The following FAM20A variants were observed in gnomAD, a reference collection of about 807,000 sequenced individuals.
FAM20A encodes FAM20A golgi associated secretory pathway pseudokinase, also known as pseudokinase FAM20A.
A neutral mutation model predicts 52.0 loss-of-function variants in FAM20A; 42 were observed. The ratio of observed to expected loss-of-function variants is 0.81; its 90% CI spans 0.63 to 1.04. FAM20A has a LOEUF of 1.04. FAM20A is among the 50% of genes least tolerant of loss of function. FAM20A has a pLI of 0.00. For missense variants in FAM20A, 742 were observed against 712.7 expected, an observed-to-expected ratio of 1.04 and a Z score of -0.47; for synonymous variants, 304 against 298.9, an observed-to-expected ratio of 1.02 and a Z score of -0.18.
rs1052571732 is a variant in FAM20A, at chr17:68,537,100, T to C, written c.*377A>G. Reference sequence around the variant, plus strand: ...AGTTATCTTTGACTTGTAGCTAGAATAAGGATCCTGAGAAGTCAGGTATCC... The same window carrying C: ...AGTTATCTTTGACTTGTAGCTAGAACAAGGATCCTGAGAAGTCAGGTATCC... On this transcript the variant is annotated 3_prime_UTR_variant, in exon 11 of 11. Coordinates refer to ENST00000592554, the MANE Select transcript of FAM20A (RefSeq NM_017565.4). This position sits in a 1 kb window ranked among gnomAD's most constrained non-coding sequence, Gnocchi z 4.2. 2.1e-6 allele frequency: 1 copy of C among 467,510 alleles called. No individual in the cohort carries two copies. The highest frequency in any genetic ancestry group is 2.0e-5 in the African/African-American group (1 of 50,662). The allele number at this position is 467,510 out of a possible 1,614,324, so 29.0% of individuals were successfully genotyped here. A position where few individuals can be genotyped will look rare whatever the true frequency, so the allele number is the denominator to read the frequency against.
At chr17:68,544,627 A>C (rs770877635) in intron 4 of FAM20A, among the ~76,000 whole-genome samples, 1 of 152,232 alleles carries the variant, frequency 6.6e-6, no homozygotes, top group African/African-American at 2.4e-5. Flanking sequence ...CATTTTGCCA[A>C]AAAACACGAG....
intron 4 of FAM20A, among the ~76,000 whole-genome samples, chr17:68,546,874 C>T (rs2086597962): frequency 6.7e-6 from 1 of 149,894 alleles, no homozygotes; most frequent in Admixed American, 6.6e-5. Flanking sequence ...GTTAGAATGA[C>T]TCCTTGATCT....
chr17:68,538,647 C>T (rs2086166086), intron 10 of FAM20A, among the ~76,000 whole-genome samples: 1 of 152,120 alleles, frequency 6.6e-6, no homozygotes, highest in African/African-American at 2.4e-5. Flanking sequence ...CAGGGTTTTG[C>T]TTAGATGGTG....
At chr17:68,542,623 T>G in intron 6 of FAM20A, 71 bp downstream of exon 6, 3 of 1,182,912 alleles carry the variant, frequency 2.5e-6, no homozygotes, top group Non-Finnish European at 3.8e-6. Flanking sequence ...AGGCCACTGA[T>G]GAATGGAGGG....
At position 68,536,762 on chromosome 17, in the gene FAM20A, A is replaced by G. The variant is rs1178903722; in HGVS notation, c.*715T>C. On this transcript the variant is annotated 3_prime_UTR_variant, in exon 11 of 11. Transcript: ENST00000592554. ...TTTTTTTCCTTCGTTGTAATTATTT[A>G]TTCTGTTACTGGCTGCTTAGTGTGA... 1 of 453,602 alleles carries G rather than the reference A, an allele frequency of 2.2e-6. No individual in the cohort carries two copies. The highest frequency in any genetic ancestry group is 1.6e-5 in the South Asian group (1 of 64,460). The allele number at this position is 453,602 out of a possible 1,614,324, so 28.1% of individuals were successfully genotyped here.
At chr17:68,583,413 G>A (rs1351882446) in intron 1 of FAM20A, among the ~76,000 whole-genome samples, 1 of 151,876 alleles carries the variant, frequency 6.6e-6, no homozygotes, top group African/African-American at 2.4e-5. Context: ...GGTGGCTATT[G>A]GTGTTCCTCA....
At chr17:68,562,050 C>A (rs1215229613) in intron 1 of FAM20A, among the ~76,000 whole-genome samples, 1 of 152,184 alleles carries the variant, frequency 6.6e-6, no homozygotes, top group Non-Finnish European at 1.5e-5. Flanking sequence ...TCTTGAACTC[C>A]TCATCTCAGG....
chr17:68,599,045 G>C (rs1363220765), intron 1 of FAM20A, among the ~76,000 whole-genome samples: 1 of 152,158 alleles, frequency 6.6e-6, no homozygotes, highest in East Asian at 1.9e-4. Flanking sequence ...GAGCCGTAGA[G>C]TTACTACTGA....
chr17:68,569,330 C>T (rs2087474708), intron 1 of FAM20A, among the ~76,000 whole-genome samples: 1 of 152,192 alleles, frequency 6.6e-6, no homozygotes, highest in South Asian at 2.1e-4. Context: ...CACCATCACC[C>T]TAGCCTGTCA....
rs1398408808 is a variant in FAM20A, at chr17:68,536,449, G to A, written c.*1028C>T. 8.8e-6 allele frequency: 4 copies of A among 454,122 alleles called. No homozygotes were observed. The highest frequency in any genetic ancestry group is 1.8e-5 in the Non-Finnish European group (4 of 226,784). 28.1% of individuals were successfully genotyped at this position (454,122 alleles called of 1,614,324 possible). ...TCAACAAGTCAGGGAGAAGGTAGAG[G>A]AGACAAGGAATCCCTACTACACTTT... On this transcript the variant is annotated 3_prime_UTR_variant, in exon 11 of 11. Transcript: ENST00000592554.
chr17:68,550,409 C>T (rs921934568), intron 4 of FAM20A, among the ~76,000 whole-genome samples: 3 of 114,470 alleles, frequency 2.6e-5, no homozygotes, highest in Admixed American at 1.2e-4. Context: ...GATAGAGAGT[C>T]TCCCTCTGTT....
rs954824427 is a variant in FAM20A, at chr17:68,536,965, G to T, written c.*512C>A. The T allele has an allele frequency of 2.2e-6, 1 of 454,400 alleles. No homozygotes were observed. Among genetic ancestry groups the T allele is most frequent in the South Asian group, 1.6e-5 (1 of 64,490 alleles). 28.1% of individuals were successfully genotyped at this position (454,400 alleles called of 1,614,324 possible). A position where few individuals can be genotyped will look rare whatever the true frequency, so the allele number is the denominator to read the frequency against. On this transcript the variant is annotated 3_prime_UTR_variant, in exon 11 of 11. Coordinates refer to ENST00000592554, the MANE Select transcript of FAM20A (RefSeq NM_017565.4). ...GGGTCCAGTGACTAGAATATGAGTAGAAAGTGTGAGGTCTAATTTGAACCT... is the reference window on the plus strand; with the variant it reads ...GGGTCCAGTGACTAGAATATGAGTATAAAGTGTGAGGTCTAATTTGAACCT...
Position 68,552,666 on chromosome 17 carries a change from C to CTTTTT in FAM20A, c.641-720_641-716dup, listed in dbSNP as rs576230517. On this transcript the variant is annotated intron_variant, in intron 3 of 10. Coordinates refer to ENST00000592554, the MANE Select transcript of FAM20A (RefSeq NM_017565.4). Reference sequence around the variant, plus strand: ...TGGAGCCCTGTAAACCTTTATTTTCCTTTTTTTTTTTTTTTTTTTTTTTTT... The same window carrying CTTTTT: ...TGGAGCCCTGTAAACCTTTATTTTCCTTTTTTTTTTTTTTTTTTTTTTTTTTTTTT... 2.2e-4 allele frequency among the ~76,000 whole-genome samples: 15 copies of CTTTTT among 66,844 alleles called. 2 individuals carry two copies. The highest frequency in any genetic ancestry group is 3.4e-4 in the African/African-American group (7 of 20,704). 43.9% of individuals were successfully genotyped at this position (66,844 alleles called of 152,430 possible). A position where few individuals can be genotyped will look rare whatever the true frequency, so the allele number is the denominator to read the frequency against.
chr17:68,564,406 T>C (rs1194919409), intron 1 of FAM20A, among the ~76,000 whole-genome samples: 12 of 152,158 alleles, frequency 7.9e-5, no homozygotes, highest in Admixed American at 7.9e-4. Context: ...TGGATGATGA[T>C]TTTTTTCAAA....
intron 1 of FAM20A, among the ~76,000 whole-genome samples, chr17:68,564,459 G>A (rs149419083): frequency 6.6e-6 from 1 of 152,306 alleles, no homozygotes; most frequent in Non-Finnish European, 1.5e-5. Flanking sequence ...AGCTTTGCAA[G>A]CCACTGCAAA....
At position 68,537,582 on chromosome 17, in the gene FAM20A, C is replaced by T. The variant is rs1294183071; in HGVS notation, c.1521G>A (p.Arg507=). The T allele has an allele frequency of 1.2e-6, 2 of 1,613,624 alleles. No individual in the cohort carries two copies. The highest frequency in any genetic ancestry group is 1.1e-5 in the South Asian group (1 of 90,998). Residue 507 remains arginine (R), a synonymous_variant, in exon 11 of 11, where the codon AGG becomes AGA. Transcript: ENST00000592554. This position sits in a 1 kb window ranked among gnomAD's most constrained non-coding sequence, Gnocchi z 4.2. ...ALDRRLQTIL[R]TVEGCIVAHG... ...GGGCCACTATGCACCCCTCCACTGT[C>T]CTTAGGATGGTTTGGAGCCTTCGAT...
chr17:68,595,630 C>A (rs553881594), intron 1 of FAM20A, among the ~76,000 whole-genome samples: 1 of 151,924 alleles, frequency 6.6e-6, no homozygotes, highest in East Asian at 2.0e-4. Flanking sequence ...AGGCCACTTC[C>A]TGTCTTAGCT....
In FAM20A at chr17:68,600,052, T is replaced by C. The variant is rs2088567776; in HGVS notation, c.404+211A>G. Among the ~76,000 whole-genome samples, 1 of 152,312 alleles carries C rather than the reference T, an allele frequency of 6.6e-6. No homozygotes were observed. The highest frequency in any genetic ancestry group is 1.9e-4 in the East Asian group (1 of 5,186). On this transcript the variant is annotated intron_variant, in intron 1 of 10. Coordinates refer to ENST00000592554, the MANE Select transcript of FAM20A (RefSeq NM_017565.4). The surrounding 1 kb of genome is among the most constrained non-coding windows in gnomAD (Gnocchi z 6.2). ...TGCGGCTGCAATAGAAACTTTTTCC[T>C]CGTACTATCTGACTCCGGGACTGGA...
intron 1 of FAM20A, among the ~76,000 whole-genome samples, chr17:68,565,857 G>C (rs2087363670): frequency 6.6e-6 from 1 of 152,152 alleles, no homozygotes; most frequent in African/African-American, 2.4e-5. Context: ...GGGCACAGCT[G>C]CAAGCACTTA....
Sources: gnomAD v4.1 joint callset for allele counts (sites outside exome capture counted in the v4.1 genomes callset) on GRCh38, gnomAD v4.1.1 for gene constraint, Gnocchi (gnomAD v3.1) non-coding constraint, MANE v1.5 for transcripts, NCBI Gene and HGNC (gene_info 2026-07-23, HGNC 2026-07-21) for gene names.